The following HECW2 variants were observed in gnomAD, a reference collection of about 807,000 sequenced individuals.
HECW2 encodes the protein E3 ubiquitin-protein ligase HECW2.
HECW2 carries 61 observed loss-of-function variants against 175.2 expected under a neutral mutation model. The ratio of observed to expected loss-of-function variants is 0.35; its 90% CI spans 0.28 to 0.43. The LOEUF (loss-of-function observed/expected upper bound fraction) is 0.43. Among genes scored for constraint, HECW2 ranks in the 20% least tolerant of loss-of-function variants. The pLI is 1.00. For missense variants in HECW2, 1,524 were observed against 2,000.5 expected (o/e 0.76, Z 4.54); for synonymous variants, 671 against 731.0 (o/e 0.92, Z 1.32).
At chr2:196,286,371 A>T (rs1575358799) in intron 14 of HECW2, among the ~76,000 whole-genome samples, 1 of 123,612 alleles carries the variant, frequency 8.1e-6, no homozygotes, top group African/African-American at 3.0e-5. Flanking sequence ...ATATATATAT[A>T]TTTTAAGATG....
intron 28 of HECW2, among the ~76,000 whole-genome samples, chr2:196,215,439 C>T (rs888422669): frequency 4.6e-5 from 7 of 152,066 alleles, no homozygotes; most frequent in Non-Finnish European, 4.4e-5. Flanking sequence ...AAGACATGTA[C>T]GAGACAGGCT....
rs149812272 is a variant in HECW2 at position 196,275,689 on chromosome 2, T to C, written c.3136-1566A>G. Reference sequence around the variant, plus strand: ...ATCTCTTGAACCCGGGAGGTGGTGGTTGCAGTGAGCAAAGATCGCACCACT... The same window carrying C: ...ATCTCTTGAACCCGGGAGGTGGTGGCTGCAGTGAGCAAAGATCGCACCACT... On this transcript the variant is annotated intron_variant, in intron 15 of 28. Coordinates refer to ENST00000644978, the MANE Select transcript of HECW2 (RefSeq NM_001348768.2). Among the ~76,000 whole-genome samples, 876 of 152,010 alleles carry C rather than the reference T, an allele frequency of 5.8e-3. 12 individuals carry two copies. The highest frequency in any genetic ancestry group is 0.02 in the African/African-American group (812 of 41,460).
chr2:196,579,968 C>T (rs1345678451), intron 1 of HECW2, among the ~76,000 whole-genome samples: 1 of 152,108 alleles, frequency 6.6e-6, no homozygotes, highest in Non-Finnish European at 1.5e-5. Flanking sequence ...GTGGTATTTT[C>T]TATGACAGCC....
intron 16 of HECW2, 52 bp downstream of exon 16, chr2:196,273,969 G>T (rs1054970785): frequency 3.0e-6 from 4 of 1,315,632 alleles, no homozygotes; most frequent in South Asian, 2.4e-5. Flanking sequence ...AGTGTACATG[G>T]TACAGATAAT....
intron 1 of HECW2, among the ~76,000 whole-genome samples, chr2:196,468,284 C>T (rs1697045150): frequency 6.6e-6 from 1 of 152,212 alleles, no homozygotes. Context: ...CATCAGCTAC[C>T]GTGCCCAGCT....
At chr2:196,544,524 G>A (rs560776759) in intron 1 of HECW2, among the ~76,000 whole-genome samples, 1 of 152,294 alleles carries the variant, frequency 6.6e-6, no homozygotes, top group East Asian at 1.9e-4. Flanking sequence ...GAAGGTCTCA[G>A]CCCACTCTTC....
intron 2 of HECW2, among the ~76,000 whole-genome samples, chr2:196,404,345 G>A (rs764591032): frequency 3.9e-5 from 6 of 152,140 alleles, no homozygotes; most frequent in Admixed American, 1.3e-4. Context: ...CTAGGATTCT[G>A]TAATAAAGAG....
intron 1 of HECW2, among the ~76,000 whole-genome samples, chr2:196,540,089 CAAGAT>C (rs1409955897): frequency 6.6e-6 from 1 of 152,146 alleles, no homozygotes; most frequent in African/African-American, 2.4e-5. Flanking sequence ...TTTAATGTAA[CAAGAT>C]AAGTCAACTT....
intron 19 of HECW2, among the ~76,000 whole-genome samples, chr2:196,252,421 G>T (rs556481053): frequency 5.8e-4 from 88 of 152,150 alleles, no homozygotes; most frequent in South Asian, 2.5e-3. Flanking sequence ...AGTGTCAGAG[G>T]TAGGGCCTTG....
intron 1 of HECW2, among the ~76,000 whole-genome samples, chr2:196,475,180 A>C (rs1312401224): frequency 6.6e-6 from 1 of 152,128 alleles, no homozygotes; most frequent in Non-Finnish European, 1.5e-5. Flanking sequence ...ACCCTTATAG[A>C]GTTGAACAGT....
intron 10 of HECW2, among the ~76,000 whole-genome samples, chr2:196,313,815 G>A (rs1304547345): frequency 6.6e-6 from 1 of 152,192 alleles, no homozygotes; most frequent in African/African-American, 2.4e-5. Flanking sequence ...ACTTTGGGAG[G>A]CCAAGGTGGG....
At chr2:196,427,659 A>G (rs6434859) in intron 2 of HECW2, among the ~76,000 whole-genome samples, 97,091 of 151,938 alleles carry the variant, frequency 0.64, 33,342 homozygotes, top group East Asian at 0.94. Flanking sequence ...TGAGGAATCA[A>G]TTCTAATTTT....
In HECW2 at chr2:196,198,788, T is replaced by C. The variant is rs1203029900; in HGVS notation, c.*2489A>G. On this transcript the variant is annotated 3_prime_UTR_variant, in exon 29 of 29. Coordinates refer to ENST00000644978, the MANE Select transcript of HECW2 (RefSeq NM_001348768.2). Reference sequence around the variant, plus strand: ...TGGAAATGTTATTTAATATTTTATATAGTTATTACTGGCTGTTTTGTTTTA... The same window carrying C: ...TGGAAATGTTATTTAATATTTTATACAGTTATTACTGGCTGTTTTGTTTTA... The C allele has an allele frequency of 6.6e-6, 1 of 152,234 alleles. No individual in the cohort carries two copies. The highest frequency in any genetic ancestry group is 1.5e-5 in the Non-Finnish European group (1 of 68,024). 9.4% of individuals were successfully genotyped at this position (152,234 alleles called of 1,614,324 possible). A position where few individuals can be genotyped will look rare whatever the true frequency, so the allele number is the denominator to read the frequency against.
Position 196,507,267 on chromosome 2 carries a change from A to G in HECW2, c.-35-73809T>C, listed in dbSNP as rs759883324. On this transcript the variant is annotated intron_variant, in intron 1 of 28. Transcript: ENST00000644978. Reference sequence around the variant, plus strand: ...AACACATGTAGCTAGACTACGGAGCATATTCAAAACCATTCATTACCTTTT... The same window carrying G: ...AACACATGTAGCTAGACTACGGAGCGTATTCAAAACCATTCATTACCTTTT... Among the ~76,000 whole-genome samples the G allele has an allele frequency of 2.2e-4, 33 of 150,292 alleles. 1 individual carries two copies. The highest frequency in any genetic ancestry group is 4.2e-4 in the Non-Finnish European group (28 of 66,538).
At chr2:196,434,655 T>G (rs1559108760) in intron 1 of HECW2, among the ~76,000 whole-genome samples, 1 of 152,218 alleles carries the variant, frequency 6.6e-6, no homozygotes, top group African/African-American at 2.4e-5. Context: ...TTCTGTACCA[T>G]CCCTTTCAGA....
intron 1 of HECW2, among the ~76,000 whole-genome samples, chr2:196,501,144 TAAC>T (rs1687565821): frequency 6.6e-6 from 1 of 152,230 alleles, no homozygotes; most frequent in Non-Finnish European, 1.5e-5. Flanking sequence ...AATATCAGAA[TAAC>T]TTTTTTAAAT....
intron 1 of HECW2, among the ~76,000 whole-genome samples, chr2:196,518,467 T>G (rs1688227296): frequency 6.6e-6 from 1 of 151,446 alleles, no homozygotes; most frequent in Non-Finnish European, 1.5e-5. Context: ...ACCAGCCTGG[T>G]CAACATCATG....
At chr2:196,544,815 T>C (rs984326886) in intron 1 of HECW2, among the ~76,000 whole-genome samples, 3 of 151,912 alleles carry the variant, frequency 2.0e-5, no homozygotes, top group Non-Finnish European at 4.4e-5. Context: ...AATTCAACAG[T>C]AAAGAACAGG....
At chr2:196,252,952 T>C (rs1407307749) in intron 19 of HECW2, among the ~76,000 whole-genome samples, 2 of 152,222 alleles carry the variant, frequency 1.3e-5, no homozygotes, top group Non-Finnish European at 2.9e-5. Flanking sequence ...ACAGAGTTAT[T>C]TGTTGACTCA....
Sources: allele counts gnomAD v4.1 joint callset (sites outside exome capture counted in the v4.1 genomes callset), GRCh38; gene constraint gnomAD v4.1.1; transcripts MANE v1.5; gene names NCBI Gene and HGNC (gene_info 2026-07-23, HGNC 2026-07-21).